Variants in RAD51AP2 observed in about 807,000 individuals in gnomAD.
RAD51AP2 encodes the protein RAD51 associated protein 2.
RAD51AP2 carries 67 observed loss-of-function variants against 85.5 expected under a neutral mutation model. That is an observed-to-expected ratio of 0.78 (90% CI 0.64 to 0.96). The LOEUF (loss-of-function observed/expected upper bound fraction) is 0.96. Ranked by LOEUF, RAD51AP2 falls within the 40% of genes least tolerant of loss-of-function variation. RAD51AP2 has a pLI of 0.00. For synonymous variants in RAD51AP2, 474 were observed against 446.5 expected, an observed-to-expected ratio of 1.06 and a Z score of -0.78; for missense variants, 1,307 against 1,332.4, an observed-to-expected ratio of 0.98 and a Z score of 0.30.
intron 2 of RAD51AP2, among the ~76,000 whole-genome samples, chr2:17,512,342 A>G (rs1486328210): frequency 6.6e-6 from 1 of 152,204 alleles, no homozygotes; most frequent in Non-Finnish European, 1.5e-5. Context: ...AGTATCTTCC[A>G]ACTTTTCTCT....
chr2:17,537,829 A>G, the RAD51AP2 span, among the ~76,000 whole-genome samples: 1 of 152,194 alleles, frequency 6.6e-6, no homozygotes, highest in African/African-American at 2.4e-5. Context: ...AGAAATTTCT[A>G]TAAAGAACAT....
the RAD51AP2 span, among the ~76,000 whole-genome samples, chr2:17,526,123 G>T: frequency 6.6e-6 from 1 of 151,736 alleles, no homozygotes; most frequent in East Asian, 1.9e-4. Context: ...ATTATAAATA[G>T]AATTTTAAGT....
Position 17,517,378 on chromosome 2 carries a change from G to C in RAD51AP2, c.1038C>G (p.Ile346Met). The change falls in exon 1 of 3, where the codon ATC becomes ATG. Residue 346 changes from isoleucine (I) to methionine (M), a missense_variant. Physicochemically the swap from Ile to Met is conservative, Grantham distance 10. Coordinates refer to ENST00000399080, the MANE Select transcript of RAD51AP2 (RefSeq NM_001099218.3). ...TACTGCAGTTACAGTAGTTTGAACT[G>C]ATCAAGTCTTTTCTCTTACAAGTAT... is the stretch of plus-strand genomic sequence containing the variant. ...SQNTCKRKDL[I>M]SSNYCNCSSI... is the part of the protein sequence containing the mutation. The C allele has an allele frequency of 6.2e-7, 1 of 1,613,644 alleles. No individual in the cohort carries two copies. Among genetic ancestry groups the C allele is most frequent in the East Asian group, 2.2e-5 (1 of 44,854 alleles).
the RAD51AP2 span, among the ~76,000 whole-genome samples, chr2:17,534,531 CA>C: frequency 6.6e-6 from 1 of 151,854 alleles, no homozygotes; most frequent in Non-Finnish European, 1.5e-5. Context: ...GAAAGCATTA[CA>C]ATATGGCCTT....
At chr2:17,513,728 T>C (rs1667842508) in intron 2 of RAD51AP2, among the ~76,000 whole-genome samples, 1 of 152,194 alleles carries the variant, frequency 6.6e-6, no homozygotes, top group South Asian at 2.1e-4. Flanking sequence ...ATGTGTAAAC[T>C]AGGCATATGC....
chr2:17,510,731 C>T lies in RAD51AP2; in HGVS notation c.*73G>A. 4 of 1,085,998 alleles carry T rather than the reference C, an allele frequency of 3.7e-6. No individual in the cohort carries two copies. Among genetic ancestry groups the T allele is most frequent in the Non-Finnish European group, 5.0e-6 (4 of 798,338 alleles). The allele number at this position is 1,085,998 out of a possible 1,614,324, so 67.3% of individuals were successfully genotyped here. A position where few individuals can be genotyped will look rare whatever the true frequency, so the allele number is the denominator to read the frequency against. ...TATAATAAAGCAAGCCCCAAACCCC[C>T]AAGCTGGAAGAACATATATCCAAAG... On this transcript the variant is annotated 3_prime_UTR_variant, in exon 3 of 3. Transcript: ENST00000399080.
In RAD51AP2 at chr2:17,517,736, A is replaced by G; in HGVS notation, c.680T>C (p.Ile227Thr). Residue 227 changes from isoleucine to threonine, a missense_variant, in exon 1 of 3, where the codon ATT becomes ACT. By Grantham distance (89) the Ile-to-Thr change is moderately conservative. Coordinates refer to ENST00000399080, the MANE Select transcript of RAD51AP2 (RefSeq NM_001099218.3). ...TGATATTTTTAGTACAGATGATGAA[A>G]TGTTATTTTCTCTTTTATTTGATGG... The part of the protein sequence containing the change: ...VVPSNKRENN[I>T]SSSVLKISKS... 6.2e-7 allele frequency: 1 copy of G among 1,613,506 alleles called. No homozygotes were observed. Among genetic ancestry groups the G allele is most frequent in the Non-Finnish European group, 8.5e-7 (1 of 1,179,856 alleles).
intron 1 of RAD51AP2, among the ~76,000 whole-genome samples, chr2:17,514,452 G>T (rs142448761): frequency 6.6e-6 from 1 of 151,684 alleles, no homozygotes; most frequent in East Asian, 1.9e-4. Context: ...AGAGGTTGAT[G>T]AAACAGGTGT....
In RAD51AP2 at chr2:17,517,855, G is replaced by A; in HGVS notation, c.561C>T (p.His187=). Residue 187 remains histidine (H), a synonymous_variant, in exon 1 of 3, where the codon CAC becomes CAT. Coordinates refer to ENST00000399080, the MANE Select transcript of RAD51AP2 (RefSeq NM_001099218.3). ...QQFVQGRDNV[H]KENPFLDVTF... Reference sequence around the variant, plus strand: ...TAACATCTAAAAATGGATTTTCTTTGTGAACATTGTCTCTTCCTTGGACAA... The same window carrying A: ...TAACATCTAAAAATGGATTTTCTTTATGAACATTGTCTCTTCCTTGGACAA... The A allele has an allele frequency of 1.2e-6, 2 of 1,614,070 alleles. No homozygotes were observed. The highest frequency in any genetic ancestry group is 2.2e-5 in the East Asian group (1 of 44,886).
At chr2:17,529,255 T>TA in the RAD51AP2 span, among the ~76,000 whole-genome samples, 1 of 150,542 alleles carries the variant, frequency 6.6e-6, no homozygotes, top group East Asian at 1.9e-4. Context: ...CAACTAATAA[T>TA]AAAAAATAAA....
At chr2:17,524,142 T>G in the RAD51AP2 span, among the ~76,000 whole-genome samples, 1 of 151,982 alleles carries the variant, frequency 6.6e-6, no homozygotes, top group Non-Finnish European at 1.5e-5. Flanking sequence ...TTTTTCAGCC[T>G]TATCTTCAGC....
In RAD51AP2 at chr2:17,515,150, T is replaced by C. The variant is rs756589728; in HGVS notation, c.3247+19A>G. 3 of 1,524,070 alleles carry C rather than the reference T, an allele frequency of 2.0e-6. No individual in the cohort carries two copies. The highest frequency in any genetic ancestry group is 2.6e-6 in the Non-Finnish European group (3 of 1,139,166). The allele number at this position is 1,524,070 out of a possible 1,614,324, so 94.4% of individuals were successfully genotyped here. On this transcript the variant is annotated intron_variant, in intron 1 of 2. Transcript: ENST00000399080. ...ATTTTTCTAGCATGAGAAATAATGT[T>C]CTAAAATGAATTTCATACCTTTCTC... is the stretch of plus-strand genomic sequence containing the variant.
Position 17,516,982 on chromosome 2 carries a change from C to T in RAD51AP2, c.1434G>A (p.Trp478Ter), listed in dbSNP as rs771422416. ...TATCATTTTCTCCTTTACCATTTAG[C>T]CAAACAGTCGTTATTAAAGCTGTCT... ...GSQTALITTVWLNGKGENDNT... is the reference protein window; with the variant it reads ...GSQTALITTV Residue 478 changes from tryptophan (W) to a stop codon, truncating the protein, a stop_gained, in exon 1 of 3, where the codon TGG becomes TGA. Transcript: ENST00000399080. LOFTEE classifies it high-confidence loss of function. 1 of 1,596,662 alleles carries T rather than the reference C, an allele frequency of 6.3e-7. No individual in the cohort carries two copies. Among genetic ancestry groups the T allele is most frequent in the South Asian group, 1.2e-5 (1 of 86,518 alleles).
the RAD51AP2 span, among the ~76,000 whole-genome samples, chr2:17,527,012 G>C: frequency 6.6e-6 from 1 of 151,992 alleles, no homozygotes; most frequent in Non-Finnish European, 1.5e-5. Flanking sequence ...CTATAAACTT[G>C]TATCAATTTA....
In RAD51AP2 at chr2:17,517,508, G is replaced by A. The variant is rs371640711; in HGVS notation, c.908C>T (p.Pro303Leu). 8.1e-6 allele frequency: 13 copies of A among 1,613,624 alleles called. No homozygotes were observed. Among genetic ancestry groups the A allele is most frequent in the Non-Finnish European group, 1.1e-5 (13 of 1,179,814 alleles). Residue 303 changes from proline to leucine, a missense_variant, in exon 1 of 3, where the codon CCT (proline) becomes CTT (leucine). By Grantham distance (98) the Pro-to-Leu change is moderately conservative. This residue lies in a region of RAD51AP2 where 635 missense variants were observed against 643.6 expected (regional missense o/e 0.99). Transcript: ENST00000399080. ...FTNIYWSQNRPDVKKQKLQND... is the reference protein window; with the variant it reads ...FTNIYWSQNRLDVKKQKLQND... ...CTGTAACTTTTGCTTCTTAACATCA[G>A]GTCTATTTTGGGACCAGTAAATGTT...
chr2:17,511,847 C>G (rs1341236552), intron 2 of RAD51AP2, among the ~76,000 whole-genome samples: 1 of 151,728 alleles, frequency 6.6e-6, no homozygotes, highest in Non-Finnish European at 1.5e-5. Flanking sequence ...AAAAACAACA[C>G]AAAATAGATA....
In RAD51AP2 at chr2:17,516,736, C is replaced by T. The variant is rs1662684946; in HGVS notation, c.1680G>A (p.Lys560=). ...GTAAATATATGCTTAAAATTCCATT[C>T]TTTATATTTGTATTCATGTTTCTGG... The part of the protein sequence containing the change: ...LITRNMNTNI[K]NGILSIYLQD... The change falls in exon 1 of 3, where the codon AAG becomes AAA. Residue 560 remains lysine (K), a synonymous_variant. Coordinates refer to ENST00000399080, the MANE Select transcript of RAD51AP2 (RefSeq NM_001099218.3). 2 of 1,572,662 alleles carry T rather than the reference C, an allele frequency of 1.3e-6. No individual in the cohort carries two copies. The highest frequency in any genetic ancestry group is 3.6e-5 in the Admixed American group (2 of 55,820).
In RAD51AP2 at chr2:17,515,566, A is replaced by G. The variant is rs748277482; in HGVS notation, c.2850T>C (p.Tyr950=). 6 of 1,608,434 alleles carry G rather than the reference A, an allele frequency of 3.7e-6. No homozygotes were observed. The highest frequency in any genetic ancestry group is 5.1e-6 in the Non-Finnish European group (6 of 1,178,522). The change falls in exon 1 of 3, where the codon TAT becomes TAC. Residue 950 remains tyrosine, a synonymous_variant. Coordinates refer to ENST00000399080, the MANE Select transcript of RAD51AP2 (RefSeq NM_001099218.3). ...CTATTGTCAGAGCTTCTGTTGATAA[A>G]TATTTAGCAGCTAAGTCCTGAAAAC... The part of the protein sequence containing the change: ...DECFQDLAAK[Y]LSTEALTIVK...
intron 2 of RAD51AP2, among the ~76,000 whole-genome samples, chr2:17,511,674 TA>T (rs1662498833): frequency 6.6e-6 from 1 of 152,140 alleles, no homozygotes; most frequent in Admixed American, 6.5e-5. Context: ...GACCTCAATA[TA>T]ATAGCCTGTT....
Sources: gnomAD v4.1 joint callset for allele counts (sites outside exome capture counted in the v4.1 genomes callset) on GRCh38, gnomAD v4.1.1 for gene constraint, gnomAD v4.1.1 regional missense constraint, MANE v1.5 for transcripts, NCBI Gene and HGNC (gene_info 2026-07-23, HGNC 2026-07-21) for gene names.